Variants in MLIP observed in about 807,000 individuals in gnomAD.
MLIP encodes the protein muscular LMNA-interacting protein.
Under a neutral mutation model 84.8 loss-of-function variants are expected in MLIP, and 79 were observed. The ratio of observed to expected loss-of-function variants is 0.93; its 90% CI spans 0.78 to 1.12. MLIP has a LOEUF of 1.12. Among genes scored for constraint, MLIP ranks in the 50% most tolerant of loss-of-function variants. The pLI is 0.00. For synonymous variants in MLIP, 504 were observed against 463.0 expected, an observed-to-expected ratio of 1.09 and a Z score of -1.14; for missense variants, 1,257 against 1,160.6, an observed-to-expected ratio of 1.08 and a Z score of -1.21.
intron 5 of MLIP, among the ~76,000 whole-genome samples, chr6:54,158,997 T>A (rs939415984): frequency 6.6e-6 from 1 of 152,050 alleles, no homozygotes; most frequent in Non-Finnish European, 1.5e-5. Flanking sequence ...ACTGCAGTCT[T>A]GAACTCCTGG....
intron 10 of MLIP, among the ~76,000 whole-genome samples, chr6:54,193,148 C>T (rs1047722537): frequency 6.6e-5 from 10 of 152,288 alleles, no homozygotes; most frequent in African/African-American, 2.4e-4. Flanking sequence ...GCTTGGGAGA[C>T]TGTTTTGGAG....
At chr6:54,081,434 T>C (rs1298067298) in intron 1 of MLIP, among the ~76,000 whole-genome samples, 1 of 151,982 alleles carries the variant, frequency 6.6e-6, no homozygotes, top group Non-Finnish European at 1.5e-5. Context: ...TGAGACAGAG[T>C]TTCGTTTATG....
At chr6:54,112,821 G>T (rs954057385) in intron 1 of MLIP, among the ~76,000 whole-genome samples, 2 of 152,052 alleles carry the variant, frequency 1.3e-5, no homozygotes, top group Non-Finnish European at 2.9e-5. Context: ...AATTTTTTAG[G>T]CAGTACCGTT....
intron 13 of MLIP, among the ~76,000 whole-genome samples, chr6:54,265,127 A>G (rs1240668525): frequency 6.6e-6 from 1 of 152,060 alleles, no homozygotes; most frequent in African/African-American, 2.4e-5. Context: ...CATGTTAGTC[A>G]TGAGTTGGAA....
chr6:54,032,565 TA>T (rs1282997482), intron 1 of MLIP: 1 of 151,274 alleles, frequency 6.6e-6, no homozygotes, highest in African/African-American at 2.4e-5. Context: ...TTATTTATTT[TA>T]TTTTTTTGAG....
intron 1 of MLIP, among the ~76,000 whole-genome samples, chr6:54,039,651 T>G (rs1764635433): frequency 6.6e-6 from 1 of 151,984 alleles, no homozygotes. Context: ...ACAAGCAAGA[T>G]ATGAAAACTA....
At chr6:54,052,433 G>T (rs1268516377) in intron 1 of MLIP, among the ~76,000 whole-genome samples, 3 of 152,140 alleles carry the variant, frequency 2.0e-5, no homozygotes, top group African/African-American at 7.2e-5. Context: ...GGTAAGGAAA[G>T]GAAAGGTTTA....
At chr6:54,194,563 GA>G (rs1458872749) in intron 10 of MLIP, among the ~76,000 whole-genome samples, 6 of 151,654 alleles carry the variant, frequency 4.0e-5, no homozygotes, top group African/African-American at 1.5e-4. Context: ...CTTTTTTTTG[GA>G]AAAACACATC....
At position 54,136,870 on chromosome 6, in the gene MLIP, T is replaced by C. The variant is rs1364411670; in HGVS notation, c.801T>C (p.Gly267=). 10 of 1,535,042 alleles carry C rather than the reference T, an allele frequency of 6.5e-6. No individual in the cohort carries two copies. The highest frequency in any genetic ancestry group is 7.9e-6 in the Non-Finnish European group (9 of 1,146,148). Residue 267 remains glycine (G), a synonymous_variant, in exon 4 of 14, where the codon GGT becomes GGC. Coordinates refer to ENST00000502396, the MANE Select transcript of MLIP (RefSeq NM_001281747.2). ...EEFHTRRLDV[G]GAVVEESATY... is the part of the protein sequence containing the mutation. Reference sequence around the variant, plus strand: ...TCCACACTAGGAGGCTGGATGTCGGTGGGGCCGTGGTGGAAGAATCAGCTA... The same window carrying C: ...TCCACACTAGGAGGCTGGATGTCGGCGGGGCCGTGGTGGAAGAATCAGCTA...
At position 54,216,185 on chromosome 6, in the gene MLIP, C is replaced by G. The variant is rs867477341; in HGVS notation, c.2718+13952C>G. 8 of 985,242 alleles carry G rather than the reference C, an allele frequency of 8.1e-6. No individual in the cohort carries two copies. In the African/African-American group the frequency reaches 1.0e-4, roughly 13 times the overall value. 61.0% of individuals were successfully genotyped at this position (985,242 alleles called of 1,614,324 possible). ...CTTAAATGTTTCTTGTTATCATTTC[C>G]TTTAGAATCACTTCAATTTTGGAAG... On this transcript the variant is annotated intron_variant, in intron 11 of 13. Coordinates refer to ENST00000502396, the MANE Select transcript of MLIP (RefSeq NM_001281747.2).
At chr6:54,063,005 A>C (rs537657983) in intron 1 of MLIP, among the ~76,000 whole-genome samples, 48 of 152,062 alleles carry the variant, frequency 3.2e-4, no homozygotes, top group African/African-American at 1.0e-3. Flanking sequence ...AGTTCGAGAC[A>C]AGCCTGATCA....
chr6:54,196,699 T>C (rs1312978304), intron 10 of MLIP, among the ~76,000 whole-genome samples: 1 of 152,098 alleles, frequency 6.6e-6, no homozygotes, highest in Admixed American at 6.6e-5. Flanking sequence ...AACTTATTCA[T>C]TCTGCAAGTA....
At chr6:54,091,519 A>G (rs1251179559) in intron 1 of MLIP, among the ~76,000 whole-genome samples, 7 of 152,320 alleles carry the variant, frequency 4.6e-5, no homozygotes, top group African/African-American at 1.7e-4. Context: ...TATTCAAGGA[A>G]TCTAGCTGGG....
At chr6:54,122,661 T>C (rs1582199239) in intron 2 of MLIP, among the ~76,000 whole-genome samples, 1 of 152,306 alleles carries the variant, frequency 6.6e-6, no homozygotes, top group East Asian at 1.9e-4. Context: ...AATGGGGCCA[T>C]GAATACTATA....
At chr6:54,124,332 C>T (rs993502889) in intron 2 of MLIP, 141 bp from the exon 3 acceptor site, 12 of 849,548 alleles carry the variant, frequency 1.4e-5, no homozygotes, top group Non-Finnish European at 1.9e-5. Context: ...CTGCTAACTT[C>T]AACCCAATCT....
intron 1 of MLIP, among the ~76,000 whole-genome samples, chr6:54,081,291 A>T (rs1177486818): frequency 6.6e-6 from 1 of 152,176 alleles, no homozygotes; most frequent in Non-Finnish European, 1.5e-5. Flanking sequence ...TGCAAATTAC[A>T]TAGAATATTT....
intron 1 of MLIP, chr6:54,057,869 T>G (rs1185023857): frequency 6.6e-6 from 1 of 152,172 alleles, no homozygotes; most frequent in Non-Finnish European, 1.5e-5. Flanking sequence ...ACAAACTGTT[T>G]GAGACAGAGA....
intron 1 of MLIP, among the ~76,000 whole-genome samples, chr6:54,022,896 G>C (rs988487637): frequency 1.3e-5 from 2 of 151,988 alleles, no homozygotes; most frequent in Non-Finnish European, 2.9e-5. Context: ...GGCCGGGCGC[G>C]GTGGCTCATG....
chr6:54,110,139 C>T (rs1271854246), upstream of MLIP, among the ~76,000 whole-genome samples: 2 of 151,656 alleles, frequency 1.3e-5, no homozygotes, highest in Admixed American at 1.3e-4. Context: ...CCCGCCACAA[C>T]GCCCGGCTAA....
Sources: gnomAD v4.1 joint callset for allele counts (sites outside exome capture counted in the v4.1 genomes callset) on GRCh38, gnomAD v4.1.1 for gene constraint, MANE v1.5 for transcripts, NCBI Gene and HGNC (gene_info 2026-07-23, HGNC 2026-07-21) for gene names.